Variants in LAMC1 observed in about 807,000 individuals in gnomAD.
LAMC1 encodes the protein laminin subunit gamma 1.
A neutral mutation model predicts 173.6 loss-of-function variants in LAMC1; 38 were observed. The ratio of observed to expected loss-of-function variants is 0.22; its 90% CI spans 0.17 to 0.29. LAMC1 has a LOEUF of 0.29. LAMC1 is among the 10% of genes least tolerant of loss of function. The pLI is 1.00. For missense variants in LAMC1, 1,824 were observed against 2,051.8 expected, an observed-to-expected ratio of 0.89 and a Z score of 2.14; for synonymous variants, 746 against 749.1, an observed-to-expected ratio of 1.00 and a Z score of 0.07.
intron 4 of LAMC1, among the ~76,000 whole-genome samples, chr1:183,111,328 C>A (rs139352976): frequency 0.025 from 3,860 of 152,142 alleles, 156 homozygotes; most frequent in African/African-American, 0.085. Flanking sequence ...CTCAGGTGAT[C>A]CACCTGCCTT....
At position 183,044,736 on chromosome 1, in the gene LAMC1, A is replaced by G. The variant is rs531292760; in HGVS notation, c.418+20602A>G. 3.9e-5 allele frequency among the ~76,000 whole-genome samples: 6 copies of G among 152,216 alleles called. No individual in the cohort carries two copies. In the East Asian group the frequency reaches 9.6e-4, roughly 24 times the overall value. The stretch of plus-strand genomic sequence containing the variant: ...TGTCTGTTCTGTTGAACTTTCCTTT[A>G]AGAACTGGAAAATAACTGAAACCAA... On this transcript the variant is annotated intron_variant, in intron 1 of 27. Coordinates refer to ENST00000258341, the MANE Select transcript of LAMC1 (RefSeq NM_002293.4).
intron 1 of LAMC1, among the ~76,000 whole-genome samples, chr1:183,048,719 G>A: frequency 6.6e-6 from 1 of 152,164 alleles, no homozygotes; most frequent in Non-Finnish European, 1.5e-5. Context: ...TAAAGGAGAA[G>A]CATTTTAAAA....
intron 2 of LAMC1, among the ~76,000 whole-genome samples, chr1:183,106,126 A>G (rs1655971242): frequency 6.6e-6 from 1 of 152,190 alleles, no homozygotes; most frequent in South Asian, 2.1e-4. Flanking sequence ...ACACAGTTTA[A>G]GTGGCAGAAC....
intron 13 of LAMC1, among the ~76,000 whole-genome samples, chr1:183,124,401 T>C (rs1205713492): frequency 6.6e-6 from 1 of 152,204 alleles, no homozygotes; most frequent in East Asian, 1.9e-4. Context: ...ACAATTAAAG[T>C]GAAGTAGGCA....
intron 1 of LAMC1, among the ~76,000 whole-genome samples, chr1:183,072,590 G>C (rs1174541168): frequency 6.6e-6 from 1 of 152,196 alleles, no homozygotes; most frequent in Non-Finnish European, 1.5e-5. Flanking sequence ...TGTCTTTTGG[G>C]TATTGCAGGT....
At chr1:183,093,122 C>T (rs1462909153) in intron 1 of LAMC1, among the ~76,000 whole-genome samples, 3 of 152,092 alleles carry the variant, frequency 2.0e-5, no homozygotes, top group Admixed American at 1.3e-4. Flanking sequence ...CCATCCTGGG[C>T]GATTTAGGGC....
In LAMC1 at chr1:183,117,228, G is replaced by A. The variant is rs1312671718; in HGVS notation, c.1565-92G>A. Reference sequence around the variant, plus strand: ...TTATTGATGCCTTTCTGTATACAAGGTGTGGTCTTACACATTTTTATGATA... The same window carrying A: ...TTATTGATGCCTTTCTGTATACAAGATGTGGTCTTACACATTTTTATGATA... On this transcript the variant is annotated intron_variant, in intron 8 of 27. Transcript: ENST00000258341. The A allele has an allele frequency of 3.7e-6, 5 of 1,365,158 alleles. No homozygotes were observed. In the East Asian group the frequency reaches 1.2e-4, roughly 32 times the overall value. 84.6% of individuals were successfully genotyped at this position (1,365,158 alleles called of 1,614,324 possible). A position where few individuals can be genotyped will look rare whatever the true frequency, so the allele number is the denominator to read the frequency against.
intron 1 of LAMC1, among the ~76,000 whole-genome samples, chr1:183,057,390 G>A (rs1368095435): frequency 1.3e-5 from 2 of 152,224 alleles, no homozygotes; most frequent in East Asian, 3.9e-4. Context: ...AGGCAGGCCA[G>A]TCTCTCGTTT....
chr1:183,118,295 T>A (rs1028246442), intron 11 of LAMC1, 149 bp downstream of exon 11: 1 of 497,008 alleles, frequency 2.0e-6, no homozygotes, highest in African/African-American at 2.0e-5. Context: ...ATAAAGACAA[T>A]GCATTTTTTA....
chr1:183,090,107 A>G (rs144194277), intron 1 of LAMC1, among the ~76,000 whole-genome samples: 3 of 152,358 alleles, frequency 2.0e-5, no homozygotes, highest in Non-Finnish European at 4.4e-5. Flanking sequence ...TATAAAACCA[A>G]TTCCTCTGCT....
chr1:183,094,350 A>G (rs1297850168), intron 1 of LAMC1, among the ~76,000 whole-genome samples: 1 of 152,240 alleles, frequency 6.6e-6, no homozygotes, highest in African/African-American at 2.4e-5. Context: ...GCTGAATTAA[A>G]TAGGCTCCCC....
At position 183,108,030 on chromosome 1, in the gene LAMC1, A is replaced by G. The variant is rs1176946924; in HGVS notation, c.724-246A>G. Among the ~76,000 whole-genome samples, 5 of 152,290 alleles carry G rather than the reference A, an allele frequency of 3.3e-5. No homozygotes were observed. In the East Asian group the frequency reaches 9.7e-4, roughly 29 times the overall value. ...TAAGCCTCTCAGCAGCCTTGCAAAG[A>G]AATTAGTTATTATCCTTGTTTTTGG... On this transcript the variant is annotated intron_variant, in intron 2 of 27. Coordinates refer to ENST00000258341, the MANE Select transcript of LAMC1 (RefSeq NM_002293.4).
chr1:183,029,118 G>A (rs79348617), intron 1 of LAMC1, among the ~76,000 whole-genome samples: 4,044 of 152,346 alleles, frequency 0.027, 67 homozygotes, highest in Middle Eastern at 0.044. Flanking sequence ...CTGGTGAACA[G>A]ATAGGATCCA....
intron 2 of LAMC1, among the ~76,000 whole-genome samples, chr1:183,105,431 TC>T (rs1395058321): frequency 2.8e-5 from 3 of 107,322 alleles, no homozygotes; most frequent in Non-Finnish European, 4.3e-5. Flanking sequence ...AACAGTGTAG[TC>T]AGTAGAAAAT....
chr1:183,040,912 A>C (rs966387557), intron 1 of LAMC1, among the ~76,000 whole-genome samples: 2 of 152,222 alleles, frequency 1.3e-5, no homozygotes, highest in African/African-American at 4.8e-5. Context: ...CCGTGAGAGA[A>C]GGATAGAAAT....
intron 1 of LAMC1, among the ~76,000 whole-genome samples, chr1:183,087,605 C>A (rs967506827): frequency 6.6e-6 from 1 of 152,126 alleles, no homozygotes; most frequent in East Asian, 1.9e-4. Flanking sequence ...CTTGCTACTA[C>A]CATGAAAGCT....
At position 183,114,601 on chromosome 1, in the gene LAMC1, G is replaced by A. The variant is rs764778294; in HGVS notation, c.1092G>A (p.Gly364=). 6.2e-7 allele frequency: 1 copy of A among 1,614,130 alleles called. No homozygotes were observed. Among genetic ancestry groups the A allele is most frequent in the South Asian group, 1.1e-5 (1 of 91,080 alleles). Residue 364 remains glycine (G), a synonymous_variant, in exon 5 of 28, where the codon GGG becomes GGA. Transcript: ENST00000258341. ...AACTCTATCGTTCCACTGGCCATGG[G>A]GGCCACTGTACCAACTGCCAGGATA... ...DPELYRSTGH[G]GHCTNCQDNT...
chr1:183,137,828 G>A lies in LAMC1; in HGVS notation c.4473+1G>A. On this transcript the variant is annotated splice_donor_variant, in intron 26 of 27. Transcript: ENST00000258341. LOFTEE classifies it high-confidence loss of function. ...CCAGGACATGATGATGGCAGGGATG[G>A]TAAGAGGTTTTGGTATATTTGCTCA... 1 of 1,595,556 alleles carries A rather than the reference G, an allele frequency of 6.3e-7. No individual in the cohort carries two copies. Among genetic ancestry groups the A allele is most frequent in the Non-Finnish European group, 8.5e-7 (1 of 1,171,600 alleles).
intron 1 of LAMC1, among the ~76,000 whole-genome samples, chr1:183,085,555 G>A (rs1299394412): frequency 6.6e-6 from 1 of 151,830 alleles, no homozygotes; most frequent in Non-Finnish European, 1.5e-5. Flanking sequence ...TTTCTGTAGA[G>A]ATGGGGTTTT....
Sources: allele counts gnomAD v4.1 joint callset (sites outside exome capture counted in the v4.1 genomes callset), GRCh38; gene constraint gnomAD v4.1.1; transcripts MANE v1.5; gene names NCBI Gene and HGNC (gene_info 2026-07-23, HGNC 2026-07-21).